The following SLC9A9 variants were observed in gnomAD, a reference collection of about 807,000 sequenced individuals.
SLC9A9 encodes solute carrier family 9 member A9.
A neutral mutation model predicts 77.8 loss-of-function variants in SLC9A9; 62 were observed. The ratio of observed to expected loss-of-function variants is 0.80; its 90% CI spans 0.65 to 0.98. SLC9A9 has a LOEUF of 0.98. Among genes scored for constraint, SLC9A9 ranks in the 50% least tolerant of loss-of-function variants. The probability of loss-of-function intolerance (pLI) is 0.00; values close to 1 mark genes in which losing one functional copy is unlikely to be tolerated. For synonymous variants in SLC9A9, 320 were observed against 283.5 expected, an observed-to-expected ratio of 1.13 and a Z score of -1.29; for missense variants, 775 against 774.9, an observed-to-expected ratio of 1.00 and a Z score of 0.00.
At chr3:143,325,093 A>C (rs1014934303) in intron 14 of SLC9A9, among the ~76,000 whole-genome samples, 1 of 151,890 alleles carries the variant, frequency 6.6e-6, no homozygotes, top group African/African-American at 2.4e-5. Flanking sequence ...AAAAAAAAAA[A>C]AACCTTCCAC....
intron 4 of SLC9A9, among the ~76,000 whole-genome samples, chr3:143,697,107 A>AC (rs1428869057): frequency 6.6e-6 from 1 of 151,792 alleles, no homozygotes; most frequent in African/African-American, 2.4e-5. Flanking sequence ...ATGACAGACT[A>AC]ACATGCAACT....
chr3:143,360,709 T>G (rs141252255), intron 14 of SLC9A9, among the ~76,000 whole-genome samples: 2 of 152,236 alleles, frequency 1.3e-5, no homozygotes, highest in Non-Finnish European at 2.9e-5. Context: ...TGACTGGTTT[T>G]ATTGATAACA....
chr3:143,482,848 G>A lies in SLC9A9; in HGVS notation c.1315+10805C>T, dbSNP rs559749389. On this transcript the variant is annotated intron_variant, in intron 11 of 15. Coordinates refer to ENST00000316549, the MANE Select transcript of SLC9A9 (RefSeq NM_173653.4). ...TAAACAACAGAGTGTTGCCTTTTTG[G>A]TTTCAAGGGAACTGAGAGCTGAGGC... Among the ~76,000 whole-genome samples, 3 of 152,200 alleles carry A rather than the reference G, an allele frequency of 2.0e-5. No homozygotes were observed. In the East Asian group the frequency reaches 5.8e-4, roughly 29 times the overall value.
rs1213425284 is a variant in SLC9A9 at position 143,694,588 on chromosome 3, T to C, written c.534-1281A>G. On this transcript the variant is annotated intron_variant, in intron 4 of 15. Coordinates refer to ENST00000316549, the MANE Select transcript of SLC9A9 (RefSeq NM_173653.4). ...CATTAAATACCCACATCAATGGTAA[T>C]ATTTTTCGTATTTTTAGCAAGAAAA... is the stretch of plus-strand genomic sequence containing the variant. 3.3e-5 allele frequency among the ~76,000 whole-genome samples: 5 copies of C among 152,142 alleles called. No homozygotes were observed. In the East Asian group the frequency reaches 9.6e-4, roughly 29 times the overall value.
chr3:143,423,201 A>G (rs2034333297), intron 12 of SLC9A9, among the ~76,000 whole-genome samples: 2 of 115,062 alleles, frequency 1.7e-5, no homozygotes, highest in Non-Finnish European at 1.9e-5. Flanking sequence ...ATCTCTACTT[A>G]CCCTCACACA....
intron 4 of SLC9A9, among the ~76,000 whole-genome samples, chr3:143,786,926 G>A (rs2008073772): frequency 6.6e-6 from 1 of 152,158 alleles, no homozygotes; most frequent in Non-Finnish European, 1.5e-5. Context: ...GGGCAGTGAA[G>A]AAGACATGGT....
intron 13 of SLC9A9, among the ~76,000 whole-genome samples, chr3:143,374,598 A>C (rs2033138501): frequency 1.3e-5 from 2 of 151,868 alleles, no homozygotes; most frequent in South Asian, 4.1e-4. Flanking sequence ...CCTAATTATA[A>C]TTGGAGGTTT....
intron 12 of SLC9A9, among the ~76,000 whole-genome samples, chr3:143,465,502 C>T (rs2035267328): frequency 6.6e-6 from 1 of 152,164 alleles, no homozygotes; most frequent in African/African-American, 2.4e-5. Flanking sequence ...TAGTAGAAAA[C>T]AAATTATATT....
intron 14 of SLC9A9, among the ~76,000 whole-genome samples, chr3:143,292,833 G>A (rs911457540): frequency 3.3e-5 from 5 of 152,098 alleles, no homozygotes; most frequent in Non-Finnish European, 4.4e-5. Flanking sequence ...TATGATCCCC[G>A]ATCCCTCTGC....
intron 9 of SLC9A9, among the ~76,000 whole-genome samples, chr3:143,548,303 G>T (rs1296896683): frequency 6.6e-6 from 1 of 152,102 alleles, no homozygotes; most frequent in Non-Finnish European, 1.5e-5. Flanking sequence ...GGGGGTGGTG[G>T]GGGTGGTGAG....
At chr3:143,696,417 G>C (rs1933642733) in intron 4 of SLC9A9, among the ~76,000 whole-genome samples, 1 of 152,114 alleles carries the variant, frequency 6.6e-6, no homozygotes, top group Non-Finnish European at 1.5e-5. Context: ...TGCCCTCATG[G>C]GGCACACAGT....
intron 2 of SLC9A9, among the ~76,000 whole-genome samples, chr3:143,807,562 G>A (rs2008754442): frequency 6.6e-6 from 1 of 151,968 alleles, no homozygotes; most frequent in African/African-American, 2.4e-5. Context: ...CAAGCTTCCT[G>A]GGTTCAAATC....
At chr3:143,322,938 C>CA (rs2031468252) in intron 14 of SLC9A9, among the ~76,000 whole-genome samples, 1 of 151,904 alleles carries the variant, frequency 6.6e-6, no homozygotes, top group African/African-American at 2.4e-5. Context: ...CAAAACAAAA[C>CA]AAACAAAAAA....
At chr3:143,765,713 A>C (rs1385830182) in intron 4 of SLC9A9, among the ~76,000 whole-genome samples, 2 of 152,144 alleles carry the variant, frequency 1.3e-5, no homozygotes, top group African/African-American at 4.8e-5. Context: ...TTCATAATTA[A>C]GTTTTTATTC....
chr3:143,767,202 A>G (rs76177174), intron 4 of SLC9A9, among the ~76,000 whole-genome samples: 2,950 of 152,192 alleles, frequency 0.019, 102 homozygotes, highest in African/African-American at 0.067. Flanking sequence ...AACATGTCCA[A>G]CTTCCTGCAT....
rs145573185 is a variant in SLC9A9, at chr3:143,527,254, G to A, written c.1089+25108C>T. On this transcript the variant is annotated intron_variant, in intron 9 of 15. Coordinates refer to ENST00000316549, the MANE Select transcript of SLC9A9 (RefSeq NM_173653.4). ...TCCACTGTTCTTCTTCAAGCTTTAC[G>A]GTAAGATTCATAAACTTCAGCATTT... Among the ~76,000 whole-genome samples the A allele has an allele frequency of 5.3e-3, 813 of 152,138 alleles. 12 individuals carry two copies. Among genetic ancestry groups the A allele is most frequent in the African/African-American group, 0.019 (772 of 41,498 alleles).
chr3:143,783,679 CA>C (rs937665973), intron 4 of SLC9A9, among the ~76,000 whole-genome samples: 1 of 151,984 alleles, frequency 6.6e-6, no homozygotes, highest in African/African-American at 2.4e-5. Context: ...TAAAGCACAT[CA>C]AAAAACTGTA....
intron 4 of SLC9A9, among the ~76,000 whole-genome samples, chr3:143,792,132 G>A (rs1372518622): frequency 6.6e-6 from 1 of 152,098 alleles, no homozygotes; most frequent in African/African-American, 2.4e-5. Flanking sequence ...GGATTATTTT[G>A]AAGATTAGAT....
chr3:143,660,637 T>C (rs918947837), intron 5 of SLC9A9, among the ~76,000 whole-genome samples: 1 of 152,210 alleles, frequency 6.6e-6, no homozygotes, highest in African/African-American at 2.4e-5. Flanking sequence ...TAATTTCTCA[T>C]AGCAGTTCTA....
Sources: gnomAD v4.1 joint callset for allele counts (sites outside exome capture counted in the v4.1 genomes callset) on GRCh38, gnomAD v4.1.1 for gene constraint, MANE v1.5 for transcripts, NCBI Gene and HGNC (gene_info 2026-07-23, HGNC 2026-07-21) for gene names.